TMEM132E: variants seen among roughly 807,000 people sequenced by gnomAD.
TMEM132E encodes the protein transmembrane protein 132E.
In TMEM132E, 49 loss-of-function variants were observed where a neutral mutation model predicts 78.5. That is an observed-to-expected ratio of 0.62 (90% CI 0.50 to 0.79). The LOEUF (loss-of-function observed/expected upper bound fraction) is 0.79, where lower values mean the gene tolerates loss of function less well. Ranked by LOEUF, TMEM132E falls within the 30% of genes least tolerant of loss-of-function variation. TMEM132E has a pLI of 0.00. For missense variants in TMEM132E, 1,403 were observed against 1,470.9 expected (o/e 0.95, Z 0.75); for synonymous variants, 715 against 670.6 (o/e 1.07, Z -1.02).
At chr17:34,587,683 A>G (rs757822290) in intron 1 of TMEM132E, among the ~76,000 whole-genome samples, 3 of 152,170 alleles carry the variant, frequency 2.0e-5, no homozygotes, top group Non-Finnish European at 2.9e-5. Flanking sequence ...CGGCCTTGTC[A>G]TGGTGGAAGA....
intron 1 of TMEM132E, among the ~76,000 whole-genome samples, chr17:34,594,120 A>C (rs1905976083): frequency 6.6e-6 from 1 of 152,080 alleles, no homozygotes; most frequent in African/African-American, 2.4e-5. Flanking sequence ...CTGACATATG[A>C]CATGGTTATG....
chr17:34,625,839 G>T (rs925006521), intron 1 of TMEM132E, among the ~76,000 whole-genome samples: 2 of 152,180 alleles, frequency 1.3e-5, no homozygotes, highest in African/African-American at 4.8e-5. Context: ...GGTTCACAAG[G>T]TTTTGCGACG....
At chr17:34,634,012 T>A (rs1381245393) in intron 6 of TMEM132E, among the ~76,000 whole-genome samples, 1 of 152,208 alleles carries the variant, frequency 6.6e-6, no homozygotes, top group Non-Finnish European at 1.5e-5. Flanking sequence ...AACACCTGCC[T>A]CATAGGATTT....
intron 1 of TMEM132E, among the ~76,000 whole-genome samples, chr17:34,613,986 C>T (rs1460229283): frequency 6.6e-6 from 1 of 152,196 alleles, no homozygotes; most frequent in African/African-American, 2.4e-5. Context: ...TTCCCACAAG[C>T]ACACCAGTGT....
intron 1 of TMEM132E, among the ~76,000 whole-genome samples, chr17:34,602,268 C>T (rs1437142431): frequency 6.6e-6 from 1 of 152,234 alleles, no homozygotes; most frequent in African/African-American, 2.4e-5. Context: ...TGTCCCACTG[C>T]CCCCTGGGCT....
At chr17:34,635,199 CTGCCTGCCCCT>C in intron 7 of TMEM132E, 112 bp downstream of exon 7, 1 of 1,212,950 alleles carries the variant, frequency 8.2e-7, no homozygotes, top group Non-Finnish European at 1.1e-6. Flanking sequence ...ACACTCTTCC[CTGCCTGCCCCT>C]TGTCTGAAAT....
intron 1 of TMEM132E, among the ~76,000 whole-genome samples, chr17:34,611,650 G>A (rs141128582): frequency 7.2e-5 from 11 of 152,282 alleles, no homozygotes; most frequent in South Asian, 2.1e-4. Flanking sequence ...GAGTGGGGAC[G>A]TCACGTGCGA....
At chr17:34,637,096 C>T in intron 8 of TMEM132E, 81 bp from the exon 9 acceptor site, 1 of 1,274,574 alleles carries the variant, frequency 7.8e-7, no homozygotes, top group East Asian at 2.3e-5. Context: ...TGGTCCCTGC[C>T]CCTACAGAGC....
At chr17:34,600,488 C>T (rs1458222707) in intron 1 of TMEM132E, among the ~76,000 whole-genome samples, 1 of 147,032 alleles carries the variant, frequency 6.8e-6, no homozygotes, top group Non-Finnish European at 1.5e-5. Context: ...GAGAGTTCTG[C>T]TCTTAATGAA....
rs762901923 is a variant in TMEM132E, at chr17:34,604,881, T to C, written c.68-21246T>C. Among the ~76,000 whole-genome samples, 28 of 152,356 alleles carry C rather than the reference T, an allele frequency of 1.8e-4. No homozygotes were observed. In the Middle Eastern group the frequency reaches 0.014, roughly 74 times the overall value. ...AGCCCCATGAGCTGGATGTTACTGT[T>C]GTCAGCACTTTAAAGGACAGGTGGC... On this transcript the variant is annotated intron_variant, in intron 1 of 8. Coordinates refer to ENST00000631683, the MANE Select transcript of TMEM132E (RefSeq NM_001304438.2).
intron 1 of TMEM132E, among the ~76,000 whole-genome samples, chr17:34,625,174 G>A (rs1397448422): frequency 6.6e-6 from 1 of 152,222 alleles, no homozygotes; most frequent in East Asian, 1.9e-4. Flanking sequence ...CATAGCGACA[G>A]CAGTAAGGCC....
Position 34,628,540 on chromosome 17 carries a change from T to C in TMEM132E, c.999-23T>C, listed in dbSNP as rs763409338. ...GGGCTGTAGCCTGACCCTCTCCCTC[T>C]TCTTCCTCCCACTTTGTCCCAGGGT... On this transcript the variant is annotated intron_variant, in intron 2 of 8. Transcript: ENST00000631683. 62 of 1,613,182 alleles carry C rather than the reference T, an allele frequency of 3.8e-5. No individual in the cohort carries two copies. The South Asian group carries it at 6.1e-4, about 16-fold the overall frequency.
intron 1 of TMEM132E, among the ~76,000 whole-genome samples, chr17:34,611,641 A>G (rs958501206): frequency 2.6e-5 from 4 of 152,214 alleles, no homozygotes; most frequent in East Asian, 1.9e-4. Context: ...GCAGCTGGAG[A>G]GTGGGGACGT....
Position 34,637,723 on chromosome 17 carries a change from C to G in TMEM132E, c.2716C>G (p.Leu906Val). Reference sequence around the variant, plus strand: ...CTTCTGCCTCGCCATCCTCGTCTTCCTCATCAACTGCATCGTTTTTGTGCT... The same window carrying G: ...CTTCTGCCTCGCCATCCTCGTCTTCGTCATCAACTGCATCGTTTTTGTGCT... ...GVFCLAILVFLINCIVFVLRY... is the reference protein window; with the variant it reads ...GVFCLAILVFVINCIVFVLRY... Residue 906 changes from leucine to valine, a missense_variant, in exon 9 of 9, where the codon CTC becomes GTC. Coordinates refer to ENST00000631683, the MANE Select transcript of TMEM132E (RefSeq NM_001304438.2). The G allele has an allele frequency of 6.2e-7, 1 of 1,613,490 alleles. No homozygotes were observed. Among genetic ancestry groups the G allele is most frequent in the Non-Finnish European group, 8.5e-7 (1 of 1,179,996 alleles).
intron 5 of TMEM132E, among the ~76,000 whole-genome samples, chr17:34,631,824 C>T (rs775028900): frequency 2.0e-5 from 3 of 152,190 alleles, no homozygotes; most frequent in African/African-American, 7.2e-5. Flanking sequence ...GGACGTGCAC[C>T]AGCATGAGCA....
rs571632537 is a variant in TMEM132E at position 34,628,584 on chromosome 17, G to A, written c.1020G>A (p.Val340=). 9 of 1,613,998 alleles carry A rather than the reference G, an allele frequency of 5.6e-6. No homozygotes were observed. The East Asian group carries it at 1.6e-4, about 28-fold the overall frequency. ...FTLRVKAKKG[V]TLLGTKSRSG... The stretch of plus-strand genomic sequence containing the variant: ...CCAGGGTGAAGGCCAAGAAGGGTGT[G>A]ACCCTTTTAGGTACCAAGTCACGGA... The change falls in exon 3 of 9, where the codon GTG becomes GTA. Residue 340 remains valine, a synonymous_variant. Coordinates refer to ENST00000631683, the MANE Select transcript of TMEM132E (RefSeq NM_001304438.2).
chr17:34,630,170 G>A lies in TMEM132E; in HGVS notation c.1482+19G>A, dbSNP rs746685776. On this transcript the variant is annotated intron_variant, in intron 5 of 8. Coordinates refer to ENST00000631683, the MANE Select transcript of TMEM132E (RefSeq NM_001304438.2). ...CATCAAGGTGGGCATCCTGGAGGTG[G>A]GGCCCCTGGGGAAGAAGCCCTAGGC... is the stretch of plus-strand genomic sequence containing the variant. The A allele has an allele frequency of 5.0e-6, 8 of 1,602,844 alleles. No homozygotes were observed. In the South Asian group the frequency reaches 7.7e-5, roughly 15 times the overall value.
intron 6 of TMEM132E, 31 bp downstream of exon 6, chr17:34,632,940 G>A (rs1299386354): frequency 6.2e-7 from 1 of 1,611,540 alleles, no homozygotes; most frequent in East Asian, 2.2e-5. Context: ...CGGATACTTG[G>A]GAAACTCATG....
intron 4 of TMEM132E, 128 bp from the exon 5 acceptor site, chr17:34,629,880 A>G (rs1907292683): frequency 9.1e-7 from 1 of 1,098,896 alleles, no homozygotes; most frequent in Non-Finnish European, 1.3e-6. Flanking sequence ...CACGGGTGCA[A>G]GTGTCCCCAC....
Sources: allele counts gnomAD v4.1 joint callset (sites outside exome capture counted in the v4.1 genomes callset), GRCh38; gene constraint gnomAD v4.1.1; transcripts MANE v1.5; gene names NCBI Gene and HGNC (gene_info 2026-07-23, HGNC 2026-07-21).